SFPQ: variants seen among roughly 807,000 people sequenced by gnomAD.
The protein encoded by SFPQ is splicing factor proline and glutamine rich.
In SFPQ, 11 loss-of-function variants were observed where a neutral mutation model predicts 72.9. The ratio of observed to expected loss-of-function variants is 0.15; its 90% CI spans 0.09 to 0.25. The LOEUF (loss-of-function observed/expected upper bound fraction) is 0.25, where lower values mean the gene tolerates loss of function less well. Ranked by LOEUF, SFPQ falls within the 10% of genes least tolerant of loss-of-function variation. SFPQ has a pLI of 1.00. For synonymous variants in SFPQ, 506 were observed against 367.3 expected, an observed-to-expected ratio of 1.38 and a Z score of -4.32; for missense variants, 847 against 993.3, an observed-to-expected ratio of 0.85 and a Z score of 1.98.
chr1:35,178,457 G>GC, downstream of SFPQ: 1 of 1,063,724 alleles, frequency 9.4e-7, no homozygotes, highest in Non-Finnish European at 1.1e-6. Flanking sequence ...TGTCAGGCAG[G>GC]CTGACCACCT....
Position 35,191,476 on chromosome 1 carries a change from T to C in SFPQ, c.882A>G (p.Thr294=), listed in dbSNP as rs775331234. ...LLRRPGEKTY[T]QRCRLFVGNL... Reference sequence around the variant, plus strand: ...TCCCAACAAACAACCGACATCGCTGTGTGTAAGTTTTCTCTCCAGGCCTCC... The same window carrying C: ...TCCCAACAAACAACCGACATCGCTGCGTGTAAGTTTTCTCTCCAGGCCTCC... The change falls in exon 2 of 10, where the codon ACA becomes ACG. Residue 294 remains threonine, a synonymous_variant. Transcript: ENST00000357214. 3 of 1,614,202 alleles carry C rather than the reference T, an allele frequency of 1.9e-6. No homozygotes were observed. Among genetic ancestry groups the C allele is most frequent in the Non-Finnish European group, 2.5e-6 (3 of 1,180,026 alleles).
In SFPQ at chr1:35,183,630, A is replaced by G. The variant is rs190128743; in HGVS notation, c.*826T>C. 25 of 1,034,198 alleles carry G rather than the reference A, an allele frequency of 2.4e-5. No individual in the cohort carries two copies. In the East Asian group the frequency reaches 1.1e-3, roughly 47 times the overall value. The allele number at this position is 1,034,198 out of a possible 1,614,324, so 64.1% of individuals were successfully genotyped here. A position where few individuals can be genotyped will look rare whatever the true frequency, so the allele number is the denominator to read the frequency against. On this transcript the variant is annotated 3_prime_UTR_variant, in exon 10 of 10. Coordinates refer to ENST00000357214, the MANE Select transcript of SFPQ (RefSeq NM_005066.3). ...GTTTAACATCTTTAATTCAAATGTA[A>G]AAGTTCAATACAAGCCATTTATAGG...
At position 35,190,787 on chromosome 1, in the gene SFPQ, C is replaced by T; in HGVS notation, c.1226G>A (p.Arg409Lys). The change falls in exon 3 of 10, where the codon AGA (arginine) becomes AAA (lysine). Residue 409 changes from arginine (R) to lysine (K), a missense_variant. Physicochemically the swap from Arg to Lys is conservative, Grantham distance 26. This residue lies in a region of SFPQ where 132 missense variants were observed against 255.4 expected (regional missense o/e 0.52). Transcript: ENST00000357214. ...RAVVIVDDRGRSTGKGIVEFA... is the reference protein window; with the variant it reads ...RAVVIVDDRGKSTGKGIVEFA... ...TTCAACAATGCCTTTCCCTGTAGAT[C>T]TTCCACGATCATCCACTATTACAAC... is the stretch of plus-strand genomic sequence containing the variant. 1 of 1,614,232 alleles carries T rather than the reference C, an allele frequency of 6.2e-7. No homozygotes were observed. The highest frequency in any genetic ancestry group is 8.5e-7 in the Non-Finnish European group (1 of 1,180,048).
At chr1:35,191,066 C>T (rs1639971132) in intron 2 of SFPQ, 71 bp from the exon 3 acceptor site, 1 of 1,295,084 alleles carries the variant, frequency 7.7e-7, no homozygotes, top group Non-Finnish European at 1.1e-6. Flanking sequence ...TGTCATAGGC[C>T]TACTTCCTAC....
intron 9 of SFPQ, among the ~76,000 whole-genome samples, chr1:35,185,563 G>A (rs1187462998): frequency 6.6e-6 from 1 of 152,120 alleles, no homozygotes; most frequent in African/African-American, 2.4e-5. Context: ...CCTCAGGTAT[G>A]CAAACACAGC....
intron 6 of SFPQ, 133 bp from the exon 7 acceptor site, chr1:35,188,223 GC>G: frequency 1.4e-6 from 1 of 691,170 alleles, no homozygotes; most frequent in South Asian, 1.7e-5. Flanking sequence ...GAGCCTAGGG[GC>G]ATAGTACTAA....
At chr1:35,187,750 C>A (rs1173204221) in intron 7 of SFPQ, among the ~76,000 whole-genome samples, 1 of 151,082 alleles carries the variant, frequency 6.6e-6, no homozygotes, top group African/African-American at 2.4e-5. Context: ...ACCAAACAAA[C>A]AAAAAAACAA....
chr1:35,191,200 C>T, intron 2 of SFPQ, 141 bp downstream of exon 2: 1 of 849,816 alleles, frequency 1.2e-6, no homozygotes, highest in Non-Finnish European at 1.8e-6. Flanking sequence ...ATACCGCAAG[C>T]ATTTTTCCTG....
Position 35,190,881 on chromosome 1 carries a change from G to C in SFPQ, c.1132C>G (p.Leu378Val), listed in dbSNP as rs758713447. 1 of 1,614,232 alleles carries C rather than the reference G, an allele frequency of 6.2e-7. No homozygotes were observed. The highest frequency in any genetic ancestry group is 1.1e-5 in the South Asian group (1 of 91,092). Residue 378 changes from leucine to valine, a missense_variant, in exon 3 of 10, where the codon CTT (leucine) becomes GTT (valine). Coordinates refer to ENST00000357214, the MANE Select transcript of SFPQ (RefSeq NM_005066.3). Reference protein sequence around the residue: ...THAAALSVRNLSPYVSNELLE... With the variant: ...THAAALSVRNVSPYVSNELLE... ...AGTTCATTGGAAACATAAGGTGAAA[G>C]ATTACGAACAGAAAGGGCAGCAGCA...
chr1:35,181,995 A>C, downstream of SFPQ: 1 of 985,430 alleles, frequency 1.0e-6, no homozygotes, highest in Non-Finnish European at 1.2e-6. Flanking sequence ...AAAAGCCACA[A>C]CTTTCAGGAG....
chr1:35,186,954 G>T, intron 9 of SFPQ, 47 bp downstream of exon 9: 2 of 1,567,100 alleles, frequency 1.3e-6, no homozygotes, highest in Non-Finnish European at 1.7e-6. Context: ...CACCTAAGTT[G>T]TGAAAATGAG....
intron 3 of SFPQ, 22 bp downstream of exon 3, chr1:35,190,672 T>A: frequency 6.2e-7 from 1 of 1,610,458 alleles, no homozygotes; most frequent in Non-Finnish European, 8.5e-7. Flanking sequence ...TAGAAATTAT[T>A]AGAATAAACA....
chr1:35,188,118 G>A, intron 6 of SFPQ, 28 bp from the exon 7 acceptor site: 11 of 1,478,438 alleles, frequency 7.4e-6, no homozygotes, highest in Non-Finnish European at 9.5e-6. Flanking sequence ...GTACATAACT[G>A]AAGTGTTATC....
At chr1:35,180,341 T>C (rs1639416823), downstream of SFPQ, 1 of 1,044,546 alleles carries the variant, frequency 9.6e-7, no homozygotes, top group Non-Finnish European at 1.2e-6. Context: ...CTTGTAAACA[T>C]TTTGGACTAT....
chr1:35,190,485 T>C lies in SFPQ; in HGVS notation c.1415+13A>G. 6.4e-7 allele frequency: 1 copy of C among 1,564,572 alleles called. No homozygotes were observed. The highest frequency in any genetic ancestry group is 1.2e-5 in the South Asian group (1 of 86,776). On this transcript the variant is annotated intron_variant, in intron 4 of 9. Transcript: ENST00000357214. ...TGATTTAAAAACTGCCAAAAAAGTT[T>C]AATCAATCTTACTTTTGATACATTG...
downstream of SFPQ, chr1:35,179,003 T>C: frequency 9.5e-7 from 1 of 1,057,752 alleles, no homozygotes; most frequent in Middle Eastern, 4.3e-4. Flanking sequence ...TGCCAATCAT[T>C]ATCTAGCAGC....
In SFPQ at chr1:35,191,666, G is replaced by A. The variant is rs371768165; in HGVS notation, c.829-137C>T. ...TCAAAATCAAGGTTTTACTATGTGA[G>A]ATTTCTAACATGAGCACTATCTTAA... On this transcript the variant is annotated intron_variant, in intron 1 of 9. Coordinates refer to ENST00000357214, the MANE Select transcript of SFPQ (RefSeq NM_005066.3). The A allele has an allele frequency of 1.0e-3, 654 of 644,858 alleles. 6 individuals carry two copies. Among genetic ancestry groups the A allele is most frequent in the South Asian group, 5.8e-3 (285 of 49,334 alleles). 39.9% of individuals were successfully genotyped at this position (644,858 alleles called of 1,614,324 possible).
intron 4 of SFPQ, 105 bp from the exon 5 acceptor site, chr1:35,189,487 C>T (rs1442043245): frequency 1.2e-6 from 1 of 865,548 alleles, no homozygotes; most frequent in Admixed American, 3.0e-5. Context: ...GTAAAGAGTA[C>T]AAAAGGCAAA....
chr1:35,176,471 C>T (rs1333526496), exon 6 of SFPQ: 2 of 152,042 alleles, frequency 1.3e-5, no homozygotes, highest in East Asian at 1.9e-4. Flanking sequence ...CTCACCTGAT[C>T]CTGCTAATTA....
Sources: gnomAD v4.1 joint callset for allele counts (sites outside exome capture counted in the v4.1 genomes callset) on GRCh38, gnomAD v4.1.1 for gene constraint, gnomAD v4.1.1 regional missense constraint, MANE v1.5 for transcripts, NCBI Gene and HGNC (gene_info 2026-07-23, HGNC 2026-07-21) for gene names.